CELF2: variants seen among roughly 807,000 people sequenced by gnomAD.
CELF2 encodes CUG triplet repeat RNA-binding protein 2.
A neutral mutation model predicts 62.6 loss-of-function variants in CELF2; 8 were observed. The observed-to-expected ratio is 0.13, with a 90% CI of 0.07 to 0.23. The LOEUF (loss-of-function observed/expected upper bound fraction) is 0.23. CELF2 is among the 10% of genes least tolerant of loss of function. The probability of loss-of-function intolerance (pLI) is 1.00; values close to 1 mark genes in which losing one functional copy is unlikely to be tolerated. For synonymous variants in CELF2, 258 were observed against 250.0 expected (o/e 1.03, Z -0.30); for missense variants, 333 against 671.0 (o/e 0.50, Z 5.56).
chr10:11,264,935 A>T (rs1386189954), intron 5 of CELF2, among the ~76,000 whole-genome samples: 2 of 152,234 alleles, frequency 1.3e-5, no homozygotes, highest in African/African-American at 4.8e-5. Context: ...CGAATGTGAG[A>T]TGAGTTTCTC....
chr10:10,855,781 T>C (rs1020666865), intron 1 of CELF2, among the ~76,000 whole-genome samples: 3 of 152,138 alleles, frequency 2.0e-5, no homozygotes, highest in African/African-American at 7.2e-5. Context: ...ACATAAATAA[T>C]ATTTACTGGG....
chr10:10,556,165 A>T, the CELF2 span, among the ~76,000 whole-genome samples: 1 of 152,186 alleles, frequency 6.6e-6, no homozygotes, highest in African/African-American at 2.4e-5. Flanking sequence ...TATATCTCCC[A>T]GTGCTATCCC....
chr10:10,547,692 A>AGAGAGAGAGAGTGTGTGT, the CELF2 span, among the ~76,000 whole-genome samples: 15 of 138,112 alleles, frequency 1.1e-4, no homozygotes, highest in African/African-American at 3.3e-4. Flanking sequence ...AGAGAGAGAG[A>AGAGAGAGAGAGTGTGTGT]GTGTGTGTGT....
At chr10:11,150,793 T>G (rs1014211168) in intron 1 of CELF2, among the ~76,000 whole-genome samples, 1 of 152,248 alleles carries the variant, frequency 6.6e-6, no homozygotes, top group Non-Finnish European at 1.5e-5. Flanking sequence ...ATGAGTTTAT[T>G]TAGCAAATGT....
rs192146799 is a variant in CELF2 at position 11,175,352 on chromosome 10, G to A, written c.271+9670G>A. Among the ~76,000 whole-genome samples the A allele has an allele frequency of 3.3e-5, 5 of 152,278 alleles. No homozygotes were observed. The East Asian group carries it at 9.7e-4, about 29-fold the overall frequency. ...AGATTGAAAAGGGGGAAAGGCTGTA[G>A]CAAGACATTAAAAGGAGGGATTGTG... On this transcript the variant is annotated intron_variant, in intron 2 of 12. Coordinates refer to ENST00000633077, the MANE Select transcript of CELF2 (RefSeq NM_001326342.2).
At chr10:10,875,167 A>C (rs1396620464) in intron 1 of CELF2, among the ~76,000 whole-genome samples, 1 of 152,210 alleles carries the variant, frequency 6.6e-6, no homozygotes, top group Admixed American at 6.5e-5. Flanking sequence ...TGTGGAATTC[A>C]ATTTAAAATA....
chr10:10,792,340 G>A, the CELF2 span: 1 of 398,292 alleles, frequency 2.5e-6, no homozygotes, highest in Non-Finnish European at 4.4e-6. Context: ...TTTTGTGGGG[G>A]AGTGGGGAGT....
chr10:11,186,852 G>A (rs966654837), intron 2 of CELF2, among the ~76,000 whole-genome samples: 2 of 152,136 alleles, frequency 1.3e-5, no homozygotes, highest in African/African-American at 4.8e-5. Flanking sequence ...ATTTGAGAGG[G>A]GTATGGGAGT....
rs141705913 is a variant in CELF2, at chr10:10,936,438, C to G, written c.89+16439C>G. Among the ~76,000 whole-genome samples, 187 of 152,288 alleles carry G rather than the reference C, an allele frequency of 1.2e-3. 1 individual carries two copies. Among genetic ancestry groups the G allele is most frequent in the African/African-American group, 4.0e-3 (165 of 41,546 alleles). On this transcript the variant is annotated intron_variant, in intron 2 of 13. Transcript: ENST00000636488. The surrounding 1 kb of genome is among the most constrained non-coding windows in gnomAD (Gnocchi z 4.0). ...CATGGAACCTGTTTTGCATCGTCTC[C>G]TTGTTTCACAGATGAATAGGCTGAA...
chr10:10,504,733 T>A, the CELF2 span, among the ~76,000 whole-genome samples: 1 of 152,106 alleles, frequency 6.6e-6, no homozygotes, highest in African/African-American at 2.4e-5. Context: ...TTTTTTCTTT[T>A]TTCAGTGTAT....
intron 11 of CELF2, 95 bp from the exon 12 acceptor site, chr10:11,325,741 G>C: frequency 1.8e-6 from 2 of 1,113,684 alleles, no homozygotes; most frequent in Non-Finnish European, 1.3e-6. Flanking sequence ...TCAACTAAAT[G>C]CTTAGCCTAC....
the CELF2 span, among the ~76,000 whole-genome samples, chr10:10,476,607 C>T: frequency 6.6e-6 from 1 of 151,966 alleles, no homozygotes; most frequent in South Asian, 2.1e-4. Context: ...ACTAAATATA[C>T]TTGTTGGCAT....
At chr10:10,698,767 A>G in the CELF2 span, among the ~76,000 whole-genome samples, 2 of 152,236 alleles carry the variant, frequency 1.3e-5, no homozygotes, top group Non-Finnish European at 2.9e-5. Flanking sequence ...TACAAAAATT[A>G]AAGACCCATC....
chr10:10,948,396 C>T (rs2047935907), intron 2 of CELF2: 1 of 152,104 alleles, frequency 6.6e-6, no homozygotes, highest in Non-Finnish European at 1.5e-5. Context: ...CCCAGAGCGC[C>T]CTGCTCTGGA....
chr10:11,271,269 A>G (rs571996142), intron 7 of CELF2, among the ~76,000 whole-genome samples: 1 of 152,330 alleles, frequency 6.6e-6, no homozygotes, highest in South Asian at 2.1e-4. Context: ...TACTTCATCT[A>G]TTTGAAACCA....
chr10:10,990,388 A>G lies in CELF2; in HGVS notation c.89+70389A>G, dbSNP rs947384733. Among the ~76,000 whole-genome samples, 3 of 152,142 alleles carry G rather than the reference A, an allele frequency of 2.0e-5. No individual in the cohort carries two copies. Among genetic ancestry groups the G allele is most frequent in the African/African-American group, 7.2e-5 (3 of 41,450 alleles). On this transcript the variant is annotated intron_variant, in intron 2 of 13. Coordinates refer to the CELF2 transcript ENST00000636488. The surrounding 1 kb of genome is among the most constrained non-coding windows in gnomAD (Gnocchi z 4.6). The stretch of plus-strand genomic sequence containing the variant: ...ATTACCAAAAGTTAAACAATTTTGT[A>G]TCTAGTGAGATTGAGGTGTAGATAA...
rs1335193537 is a variant in CELF2, at chr10:11,296,656, C to G, written c.976+8104C>G. Among the ~76,000 whole-genome samples, 1 of 152,154 alleles carries G rather than the reference C, an allele frequency of 6.6e-6. No homozygotes were observed. Among genetic ancestry groups the G allele is most frequent in the Non-Finnish European group, 1.5e-5 (1 of 68,028 alleles). On this transcript the variant is annotated intron_variant, in intron 9 of 12. Coordinates refer to ENST00000633077, the MANE Select transcript of CELF2 (RefSeq NM_001326342.2). This position sits in a 1 kb window ranked among gnomAD's most constrained non-coding sequence, Gnocchi z 5.0. ...AATCCCGAGAACCCGTCACCATCAA[C>G]TAGATGCATTGGCCACCTACAAACA... is the stretch of plus-strand genomic sequence containing the variant.
chr10:10,640,379 CT>C, the CELF2 span, among the ~76,000 whole-genome samples: 1 of 152,200 alleles, frequency 6.6e-6, no homozygotes, highest in Non-Finnish European at 1.5e-5. Flanking sequence ...GCACTACTCC[CT>C]TCTCTACTCA....
chr10:11,164,176 C>T (rs762957789), intron 1 of CELF2, among the ~76,000 whole-genome samples: 1 of 152,212 alleles, frequency 6.6e-6, no homozygotes, highest in Admixed American at 6.5e-5. Context: ...CTGGAGCAAG[C>T]GCGCAGTGCT....
Sources: gnomAD v4.1 joint callset for allele counts (sites outside exome capture counted in the v4.1 genomes callset) on GRCh38, gnomAD v4.1.1 for gene constraint, Gnocchi (gnomAD v3.1) non-coding constraint, MANE v1.5 for transcripts, NCBI Gene and HGNC (gene_info 2026-07-23, HGNC 2026-07-21) for gene names.